Variants in ALG10 observed in about 807,000 individuals in gnomAD.
ALG10 encodes the protein ALG10 alpha-1,2-glucosyltransferase, also known as dol-P-Glc:Glc(2)Man(9)GlcNAc(2)-PP-Dol alpha-1,2-glucosyltransferase A.
In ALG10, 25 loss-of-function variants were observed where a neutral mutation model predicts 39.2. The observed-to-expected ratio is 0.64, with a 90% CI of 0.46 to 0.89. The LOEUF is 0.89. ALG10 is among the 40% of genes least tolerant of loss of function. The pLI is 0.00. For missense variants in ALG10, 486 were observed against 546.6 expected, an observed-to-expected ratio of 0.89 and a Z score of 1.11; for synonymous variants, 184 against 193.9, an observed-to-expected ratio of 0.95 and a Z score of 0.42.
chr12:34,025,061 G>A (rs1050333527), intron 2 of ALG10, among the ~76,000 whole-genome samples: 3 of 152,114 alleles, frequency 2.0e-5, no homozygotes, highest in South Asian at 2.1e-4. Context: ...ATTGGTCTTG[G>A]AATTACAGGA....
chr12:34,026,014 C>T lies in ALG10; in HGVS notation c.521C>T (p.Thr174Ile). 6.2e-6 allele frequency: 10 copies of T among 1,614,020 alleles called. No individual in the cohort carries two copies. Among genetic ancestry groups the T allele is most frequent in the Non-Finnish European group, 8.5e-6 (10 of 1,179,970 alleles). ...YLMCLYGNHK[T>I]SAFLGFCGFM... ...ATGTGTCTTTATGGAAATCATAAAA[C>T]TTCAGCCTTCCTTGGATTTTGTGGC... The change falls in exon 3 of 3, where the codon ACT (threonine) becomes ATT (isoleucine). Residue 174 changes from threonine to isoleucine, a missense_variant. Physicochemically the swap from Thr to Ile is moderately conservative, Grantham distance 89. Coordinates refer to ENST00000266483, the MANE Select transcript of ALG10 (RefSeq NM_032834.4).
chr12:34,022,641 CT>C lies in ALG10; in HGVS notation c.43del (p.Cys15ValfsTer4). 1 of 1,614,148 alleles carries C rather than the reference CT, an allele frequency of 6.2e-7. No individual in the cohort carries two copies. Among genetic ancestry groups the C allele is most frequent in the African/African-American group, 1.3e-5 (1 of 75,046 alleles). On this transcript the variant is annotated frameshift_variant, in exon 1 of 3. Transcript: ENST00000266483. LOFTEE classifies it high-confidence loss of function. ...GTTACTATTTCTCGGCCGCCTTGAGCTGTACCTTTTTAGTATCCTGCCTCCT... is the reference window on the plus strand; with the variant it reads ...GTTACTATTTCTCGGCCGCCTTGAGCGTACCTTTTTAGTATCCTGCCTCCT... Reference protein sequence around the residue: ...EGYYFSAALSCTFLVSCLLFS... With the variant: ...EGYYFSAALSXTFLVSCLLFS...
rs900468606 is a variant in ALG10, at chr12:34,028,158, A to G, written c.*1243A>G. Reference sequence around the variant, plus strand: ...TAAAGGACATTTTAGGATAGTCTTCATATGATTGTTAGGAGACTACCTTTT... The same window carrying G: ...TAAAGGACATTTTAGGATAGTCTTCGTATGATTGTTAGGAGACTACCTTTT... On this transcript the variant is annotated 3_prime_UTR_variant, in exon 3 of 3. Transcript: ENST00000266483. 3 of 152,192 alleles carry G rather than the reference A, an allele frequency of 2.0e-5. No individual in the cohort carries two copies. Among genetic ancestry groups the G allele is most frequent in the Non-Finnish European group, 4.4e-5 (3 of 68,032 alleles). The allele number at this position is 152,192 out of a possible 1,614,324, so 9.4% of individuals were successfully genotyped here. A position where few individuals can be genotyped will look rare whatever the true frequency, so the allele number is the denominator to read the frequency against.
Position 34,024,014 on chromosome 12 carries a change from T to G in ALG10, c.224T>G (p.Val75Gly). 1 of 1,614,178 alleles carries G rather than the reference T, an allele frequency of 6.2e-7. No individual in the cohort carries two copies. The highest frequency in any genetic ancestry group is 8.5e-7 in the Non-Finnish European group (1 of 1,180,022). ...GGCTTGTACCTGGTGTCAATTGGAGTGATCAAACCTGCCATTTGGATCTTT... is the reference window on the plus strand; with the variant it reads ...GGCTTGTACCTGGTGTCAATTGGAGGGATCAAACCTGCCATTTGGATCTTT... Reference protein sequence around the residue: ...LPGLYLVSIGVIKPAIWIFGW... With the variant: ...LPGLYLVSIGGIKPAIWIFGW... Residue 75 changes from valine to glycine, a missense_variant, in exon 2 of 3, where the codon GTG becomes GGG. Coordinates refer to ENST00000266483, the MANE Select transcript of ALG10 (RefSeq NM_032834.4).
At position 34,023,990 on chromosome 12, in the gene ALG10, G is replaced by T. The variant is rs768080138; in HGVS notation, c.200G>T (p.Gly67Val). ...GATCCCATGATTACTACATTACCTG[G>T]CTTGTACCTGGTGTCAATTGGAGTG... The part of the protein sequence containing the change: ...QWDPMITTLP[G>V]LYLVSIGVIK... Residue 67 changes from glycine (G) to valine (V), a missense_variant, in exon 2 of 3, where the codon GGC becomes GTC. Coordinates refer to ENST00000266483, the MANE Select transcript of ALG10 (RefSeq NM_032834.4). 1 of 1,613,886 alleles carries T rather than the reference G, an allele frequency of 6.2e-7. No individual in the cohort carries two copies. The highest frequency in any genetic ancestry group is 8.5e-7 in the Non-Finnish European group (1 of 1,179,954).
rs1942829322 is a variant in ALG10, at chr12:34,026,067, T to G, written c.574T>G (p.Trp192Gly). The change falls in exon 3 of 3, where the codon TGG (tryptophan) becomes GGG (glycine). Residue 192 changes from tryptophan (W) to glycine (G), a missense_variant. Coordinates refer to ENST00000266483, the MANE Select transcript of ALG10 (RefSeq NM_032834.4). ...CATGTTTCGGCAAACAAATATCATC[T>G]GGGCTGTCTTCTGTGCAGGAAATGT... is the stretch of plus-strand genomic sequence containing the variant. ...GFMFRQTNII[W>G]AVFCAGNVIA... is the part of the protein sequence containing the mutation. 1.2e-6 allele frequency: 2 copies of G among 1,614,112 alleles called. No homozygotes were observed. Among genetic ancestry groups the G allele is most frequent in the East Asian group, 4.5e-5 (2 of 44,872 alleles).
chr12:34,023,011 A>C, intron 1 of ALG10: 2 of 575,458 alleles, frequency 3.5e-6, no homozygotes, highest in Non-Finnish European at 5.8e-6. Flanking sequence ...TCAACGGGGA[A>C]CTGAGCCCTC....
In ALG10 at chr12:34,026,525, T is replaced by C; in HGVS notation, c.1032T>C (p.His344=). 1 of 1,613,890 alleles carries C rather than the reference T, an allele frequency of 6.2e-7. No homozygotes were observed. Among genetic ancestry groups the C allele is most frequent in the Non-Finnish European group, 8.5e-7 (1 of 1,179,914 alleles). Residue 344 remains histidine (H), a synonymous_variant, in exon 3 of 3, where the codon CAT becomes CAC. Transcript: ENST00000266483. ...VFLVWKFTYA[H]KYLLADNRHY... ...TAGTTTGGAAATTCACTTATGCTCA[T>C]AAATACTTGCTAGCAGACAATAGAC...
intron 2 of ALG10, 26 bp from the exon 3 acceptor site, chr12:34,025,837 T>G (rs1942824823): frequency 1.2e-6 from 2 of 1,612,972 alleles, no homozygotes; most frequent in Non-Finnish European, 1.7e-6. Context: ...GAAAATAATT[T>G]TATCTGTGTT....
At chr12:34,025,733 TATTG>T in intron 2 of ALG10, 126 bp from the exon 3 acceptor site, 1 of 1,157,454 alleles carries the variant, frequency 8.6e-7, no homozygotes, top group Non-Finnish European at 1.2e-6. Context: ...ATAAGATTAA[TATTG>T]ATTAATTTTA....
intron 1 of ALG10, chr12:34,023,041 T>G: frequency 2.1e-6 from 1 of 485,130 alleles, no homozygotes; most frequent in Non-Finnish European, 3.6e-6. Flanking sequence ...GCTGACGATA[T>G]CGATCCCACT....
intron 1 of ALG10, 140 bp downstream of exon 1, chr12:34,022,910 T>C: frequency 8.7e-7 from 1 of 1,145,702 alleles, no homozygotes; most frequent in Admixed American, 2.5e-5. Flanking sequence ...TATAGTCTTT[T>C]GTTCCTGTCT....
intron 2 of ALG10, among the ~76,000 whole-genome samples, chr12:34,025,614 T>C (rs1407405030): frequency 6.6e-6 from 1 of 152,186 alleles, no homozygotes; most frequent in Non-Finnish European, 1.5e-5. Context: ...CCAATTGTGT[T>C]AAGCTATAGA....
chr12:34,022,992 G>A (rs2120685177), intron 1 of ALG10: 2 of 655,176 alleles, frequency 3.1e-6, no homozygotes, highest in East Asian at 5.9e-5. Flanking sequence ...GAGTGATCTG[G>A]GAGAATACTC....
chr12:34,022,435 T>C (rs1942785963), upstream of ALG10: 2 of 1,117,906 alleles, frequency 1.8e-6, no homozygotes, highest in Admixed American at 4.0e-5. Flanking sequence ...AGCGACCCGA[T>C]CTTTCCGGAT....
In ALG10 at chr12:34,027,363, A is replaced by G. The variant is rs1266050569; in HGVS notation, c.*448A>G. The G allele has an allele frequency of 2.6e-5, 4 of 152,734 alleles. No individual in the cohort carries two copies. The highest frequency in any genetic ancestry group is 7.2e-5 in the African/African-American group (3 of 41,444). 9.5% of individuals were successfully genotyped at this position (152,734 alleles called of 1,614,324 possible). A position where few individuals can be genotyped will look rare whatever the true frequency, so the allele number is the denominator to read the frequency against. ...TTACTTTTTTACCAACCTAATAACA[A>G]TGTATTAGCAAATATTTACAAATGG... is the stretch of plus-strand genomic sequence containing the variant. On this transcript the variant is annotated 3_prime_UTR_variant, in exon 3 of 3. Transcript: ENST00000266483.
Position 34,022,651 on chromosome 12 carries a change from T to C in ALG10, c.52T>C (p.Leu18=). ...YFSAALSCTF[L]VSCLLFSAFS... ...CTCGGCCGCCTTGAGCTGTACCTTT[T>C]TAGTATCCTGCCTCCTCTTCTCCGC... Residue 18 remains leucine (L), a synonymous_variant, in exon 1 of 3, where the codon TTA becomes CTA. Coordinates refer to ENST00000266483, the MANE Select transcript of ALG10 (RefSeq NM_032834.4). 6.2e-7 allele frequency: 1 copy of C among 1,614,176 alleles called. No homozygotes were observed. Among genetic ancestry groups the C allele is most frequent in the African/African-American group, 1.3e-5 (1 of 75,044 alleles).
intron 2 of ALG10, 80 bp from the exon 3 acceptor site, chr12:34,025,779 TTAAA>T: frequency 6.5e-7 from 1 of 1,531,072 alleles, no homozygotes; most frequent in Admixed American, 1.8e-5. Flanking sequence ...TGAGTAGTTT[TTAAA>T]TAAATTTCTT....
rs181744104 is a variant in ALG10, at chr12:34,027,020, G to T, written c.*105G>T. 7,120 of 1,254,862 alleles carry T rather than the reference G, an allele frequency of 5.7e-3. 35 individuals carry two copies. Among genetic ancestry groups the T allele is most frequent in the Middle Eastern group, 9.3e-3 (38 of 4,102 alleles). 77.7% of individuals were successfully genotyped at this position (1,254,862 alleles called of 1,614,324 possible). A position where few individuals can be genotyped will look rare whatever the true frequency, so the allele number is the denominator to read the frequency against. On this transcript the variant is annotated 3_prime_UTR_variant, in exon 3 of 3. Coordinates refer to ENST00000266483, the MANE Select transcript of ALG10 (RefSeq NM_032834.4). ...CATGGAATTTCTTTTAGGTGCAGTGGTGGTCTTCAAATTACATTAGTTTTT... is the reference window on the plus strand; with the variant it reads ...CATGGAATTTCTTTTAGGTGCAGTGTTGGTCTTCAAATTACATTAGTTTTT...
Sources: gnomAD v4.1 joint callset for allele counts (sites outside exome capture counted in the v4.1 genomes callset) on GRCh38, gnomAD v4.1.1 for gene constraint, MANE v1.5 for transcripts, NCBI Gene and HGNC (gene_info 2026-07-23, HGNC 2026-07-21) for gene names.